The following FGF14 variants were observed in gnomAD, a reference collection of about 807,000 sequenced individuals.
FGF14 encodes the protein fibroblast growth factor 14, also known as fibroblast growth factor homologous factor 4.
In FGF14, 5 loss-of-function variants were observed where a neutral mutation model predicts 25.5. The ratio of observed to expected loss-of-function variants is 0.20; its 90% CI spans 0.10 to 0.41. The LOEUF (loss-of-function observed/expected upper bound fraction) is 0.41. Ranked by LOEUF, FGF14 falls within the 10% of genes least tolerant of loss-of-function variation. The pLI, the probability that FGF14 is intolerant of heterozygous loss-of-function variation, is 1.00. For missense variants in FGF14, 222 were observed against 320.1 expected (o/e 0.69, Z 2.34); for synonymous variants, 138 against 118.3 (o/e 1.17, Z -1.08).
At chr13:101,845,610 G>A (rs984534845) in intron 3 of FGF14, among the ~76,000 whole-genome samples, 6 of 151,992 alleles carry the variant, frequency 3.9e-5, no homozygotes, top group African/African-American at 1.2e-4. Context: ...GTATGAGACA[G>A]AAAGAGAAGG....
chr13:102,052,952 A>C lies in FGF14; in HGVS notation c.209-177656T>G, dbSNP rs188557116. ...TGATGACTAAAAGACAAGTATTAAA[A>C]ATACCAAGAGCTACAATAATATGTT... On this transcript the variant is annotated intron_variant, in intron 1 of 4. Transcript: ENST00000376131. Among the ~76,000 whole-genome samples the C allele has an allele frequency of 4.6e-4, 70 of 152,238 alleles. No individual in the cohort carries two copies. In the Middle Eastern group the frequency reaches 0.014, roughly 30 times the overall value.
intron 1 of FGF14, among the ~76,000 whole-genome samples, chr13:102,025,840 T>C (rs528379473): frequency 6.6e-6 from 1 of 152,224 alleles, no homozygotes; most frequent in East Asian, 1.9e-4. Flanking sequence ...TTGTTCTATA[T>C]TGAGCTTGTA....
intron 1 of FGF14, among the ~76,000 whole-genome samples, chr13:102,136,574 T>C (rs1278441491): frequency 2.0e-5 from 3 of 151,288 alleles, no homozygotes; most frequent in Non-Finnish European, 1.5e-5. Flanking sequence ...ACCACAATGA[T>C]CCTCTTGGAA....
At chr13:102,085,872 G>A (rs542175578) in intron 1 of FGF14, among the ~76,000 whole-genome samples, 2 of 152,280 alleles carry the variant, frequency 1.3e-5, no homozygotes, top group South Asian at 4.1e-4. Context: ...AGGAAAATCT[G>A]AAGACAAAGG....
chr13:102,062,999 T>C (rs937630286), intron 1 of FGF14, among the ~76,000 whole-genome samples: 1 of 152,196 alleles, frequency 6.6e-6, no homozygotes, highest in African/African-American at 2.4e-5. Flanking sequence ...ATTTGGGAAA[T>C]TTGCTTTTAA....
chr13:102,307,353 G>T (rs2055448081), intron 1 of FGF14, among the ~76,000 whole-genome samples: 1 of 152,088 alleles, frequency 6.6e-6, no homozygotes. Context: ...AGAACTGTTT[G>T]ATCATAAATT....
At chr13:101,745,694 T>G (rs1223521902) in intron 3 of FGF14, among the ~76,000 whole-genome samples, 2 of 152,132 alleles carry the variant, frequency 1.3e-5, no homozygotes, top group Non-Finnish European at 2.9e-5. Context: ...TGATAGCTCA[T>G]TAGTAGATAC....
chr13:101,962,970 G>A (rs12427457), intron 1 of FGF14, among the ~76,000 whole-genome samples: 15,663 of 152,162 alleles, frequency 0.1, 936 homozygotes, highest in Admixed American at 0.2. Flanking sequence ...TTCATCTTCC[G>A]TAGAACTGCC....
intron 1 of FGF14, among the ~76,000 whole-genome samples, chr13:102,245,244 T>C (rs1392646683): frequency 1.3e-5 from 2 of 152,122 alleles, no homozygotes; most frequent in Non-Finnish European, 2.9e-5. Flanking sequence ...ATAATTCAGA[T>C]CCAAAAGAAT....
chr13:102,386,394 A>C (rs1000391038), intron 1 of FGF14, among the ~76,000 whole-genome samples: 1 of 152,148 alleles, frequency 6.6e-6, no homozygotes, highest in Admixed American at 6.5e-5. Context: ...AGCCTCCCAA[A>C]GTGCTGGGAT....
chr13:102,115,316 C>A (rs2045419017), intron 1 of FGF14, among the ~76,000 whole-genome samples: 1 of 152,172 alleles, frequency 6.6e-6, no homozygotes, highest in Non-Finnish European at 1.5e-5. Flanking sequence ...AAGGCTTTAT[C>A]ATATCCATAC....
intron 1 of FGF14, among the ~76,000 whole-genome samples, chr13:102,088,765 CAT>C (rs1295407656): frequency 1.4e-4 from 21 of 152,200 alleles, no homozygotes; most frequent in African/African-American, 2.2e-4. Flanking sequence ...AAAAGAGACA[CAT>C]GTTTGTGTCA....
At chr13:102,214,771 A>T (rs972926212) in intron 1 of FGF14, among the ~76,000 whole-genome samples, 2 of 152,214 alleles carry the variant, frequency 1.3e-5, no homozygotes, top group East Asian at 3.8e-4. Context: ...CACTGGCATC[A>T]TGTGGGTAGG....
At chr13:101,765,307 G>A (rs2139932343) in intron 3 of FGF14, among the ~76,000 whole-genome samples, 1 of 152,272 alleles carries the variant, frequency 6.6e-6, no homozygotes, top group African/African-American at 2.4e-5. Flanking sequence ...GAAATTACTT[G>A]AAAATTCCCT....
Position 101,960,790 on chromosome 13 carries a change from C to T in FGF14, c.209-85494G>A, listed in dbSNP as rs183773440. Among the ~76,000 whole-genome samples the T allele has an allele frequency of 1.6e-3, 249 of 152,328 alleles. 1 individual carries two copies. The highest frequency in any genetic ancestry group is 0.01 in the Middle Eastern group (3 of 294). On this transcript the variant is annotated intron_variant, in intron 1 of 4. Coordinates refer to the FGF14 transcript ENST00000376131. ...CACACTGTCTTCTACAATGGTTGAA[C>T]TAATGTACATTCCCACCAACAGGGT...
intron 1 of FGF14, among the ~76,000 whole-genome samples, chr13:102,274,476 A>G (rs922202636): frequency 6.6e-6 from 1 of 152,194 alleles, no homozygotes; most frequent in Non-Finnish European, 1.5e-5. Flanking sequence ...TTTAATATTC[A>G]TGAAAGCAAG....
intron 1 of FGF14, among the ~76,000 whole-genome samples, chr13:101,879,427 C>T (rs2045576146): frequency 6.6e-6 from 1 of 152,124 alleles, no homozygotes; most frequent in South Asian, 2.1e-4. Flanking sequence ...GTCCGACTGC[C>T]TTCAGATTCA....
chr13:101,975,449 T>A (rs1416007886), intron 1 of FGF14, among the ~76,000 whole-genome samples: 1 of 152,074 alleles, frequency 6.6e-6, no homozygotes, highest in Non-Finnish European at 1.5e-5. Context: ...GAGCGTTCCT[T>A]CTTGTTCTCA....
At chr13:102,279,335 G>A (rs1461479341) in intron 1 of FGF14, among the ~76,000 whole-genome samples, 1 of 152,064 alleles carries the variant, frequency 6.6e-6, no homozygotes, top group Non-Finnish European at 1.5e-5. Flanking sequence ...AAGCTTATCT[G>A]TTAACTATTT....
Sources: allele counts gnomAD v4.1 joint callset (sites outside exome capture counted in the v4.1 genomes callset), GRCh38; gene constraint gnomAD v4.1.1; transcripts MANE v1.5; gene names NCBI Gene and HGNC (gene_info 2026-07-23, HGNC 2026-07-21).